The following RBFOX1 variants were observed in gnomAD, a reference collection of about 807,000 sequenced individuals.
RBFOX1 encodes RNA binding protein fox-1 homolog 1.
Under a neutral mutation model 57.7 loss-of-function variants are expected in RBFOX1, and 8 were observed. That is an observed-to-expected ratio of 0.14 (90% CI 0.08 to 0.25). The LOEUF (loss-of-function observed/expected upper bound fraction) is 0.25, where lower values mean the gene tolerates loss of function less well. RBFOX1 is among the 10% of genes least tolerant of loss of function. RBFOX1 has a pLI of 1.00. For synonymous variants in RBFOX1, 326 were observed against 222.4 expected, an observed-to-expected ratio of 1.47 and a Z score of -4.15; for missense variants, 611 against 548.5, an observed-to-expected ratio of 1.11 and a Z score of -1.14.
At chr16:6,738,646 C>G (rs933596453) in intron 3 of RBFOX1, among the ~76,000 whole-genome samples, 1 of 152,144 alleles carries the variant, frequency 6.6e-6, no homozygotes, top group Non-Finnish European at 1.5e-5. Context: ...ATGTCATTGA[C>G]AATTACAGAA....
At position 5,451,766 on chromosome 16, in the gene RBFOX1, C is replaced by T. The variant is rs181709043; in HGVS notation, c.220-15450C>T. Among the ~76,000 whole-genome samples the T allele has an allele frequency of 9.9e-5, 15 of 152,228 alleles. No individual in the cohort carries two copies. In the East Asian group the frequency reaches 2.1e-3, roughly 22 times the overall value. Reference sequence around the variant, plus strand: ...CGGATACCTCTCAGCTCATTCATTCCGCTCTTTTTTCGTGTACCAGGCTAC... The same window carrying T: ...CGGATACCTCTCAGCTCATTCATTCTGCTCTTTTTTCGTGTACCAGGCTAC... On this transcript the variant is annotated intron_variant, in intron 1 of 2. Coordinates refer to the RBFOX1 transcript ENST00000585867.
At chr16:7,371,649 C>A (rs1163535950) in intron 4 of RBFOX1, among the ~76,000 whole-genome samples, 1 of 152,166 alleles carries the variant, frequency 6.6e-6, no homozygotes, top group South Asian at 2.1e-4. Context: ...ACTCAGGATA[C>A]TGAGGCAGGA....
intron 3 of RBFOX1, among the ~76,000 whole-genome samples, chr16:5,859,957 C>T (rs1319318737): frequency 1.3e-5 from 2 of 152,126 alleles, no homozygotes; most frequent in East Asian, 1.9e-4. Context: ...CCTGGGCTCC[C>T]GTGGGACTGA....
chr16:7,116,426 G>A (rs777497509), intron 4 of RBFOX1, among the ~76,000 whole-genome samples: 4 of 152,080 alleles, frequency 2.6e-5, no homozygotes, highest in African/African-American at 7.2e-5. Context: ...GCAGTGAAAT[G>A]CACCAACATC....
At chr16:5,343,794 AG>A (rs762768255) in intron 1 of RBFOX1, among the ~76,000 whole-genome samples, 10 of 152,330 alleles carry the variant, frequency 6.6e-5, no homozygotes, top group East Asian at 3.9e-4. Context: ...ATAAGGCAAA[AG>A]GGTTATTTGA....
At chr16:5,931,546 A>AATGTGTAGG (rs2059057339) in intron 4 of RBFOX1, among the ~76,000 whole-genome samples, 1 of 152,180 alleles carries the variant, frequency 6.6e-6, no homozygotes, top group Non-Finnish European at 1.5e-5. Flanking sequence ...ATTCTGACTT[A>AATGTGTAGG]ATGTGTAGGC....
intron 4 of RBFOX1, among the ~76,000 whole-genome samples, chr16:7,504,969 C>A (rs370135577): frequency 6.7e-5 from 10 of 149,464 alleles, no homozygotes; most frequent in Non-Finnish European, 2.9e-5. Flanking sequence ...CTTTCCAGCG[C>A]GAAATGCTTC....
At chr16:5,355,717 T>G (rs1279082513) in intron 1 of RBFOX1, among the ~76,000 whole-genome samples, 1 of 152,100 alleles carries the variant, frequency 6.6e-6, no homozygotes, top group Admixed American at 6.5e-5. Context: ...AATAGGGTCT[T>G]TACAGATATA....
chr16:5,729,324 G>A (rs910328092), intron 3 of RBFOX1, among the ~76,000 whole-genome samples: 1 of 151,822 alleles, frequency 6.6e-6, no homozygotes, highest in Non-Finnish European at 1.5e-5. Flanking sequence ...TCTCTTGAAG[G>A]CTGCAACACT....
intron 3 of RBFOX1, among the ~76,000 whole-genome samples, chr16:5,867,064 A>G (rs1390556889): frequency 1.3e-5 from 2 of 152,182 alleles, no homozygotes; most frequent in African/African-American, 4.8e-5. Flanking sequence ...TTGTTATAAT[A>G]TGTTGAAAAT....
At chr16:5,604,631 G>A (rs980828487), downstream of RBFOX1, among the ~76,000 whole-genome samples, 15 of 152,122 alleles carry the variant, frequency 9.9e-5, no homozygotes, top group African/African-American at 3.6e-4. Context: ...GAAGTAACTC[G>A]TGGGTCCTGC....
At chr16:6,373,711 G>T (rs11859228) in intron 2 of RBFOX1, among the ~76,000 whole-genome samples, 8,100 of 152,116 alleles carry the variant, frequency 0.053, 722 homozygotes, top group African/African-American at 0.18. Flanking sequence ...TTTGGGTTAG[G>T]GGATGGTTGG....
intron 2 of RBFOX1, among the ~76,000 whole-genome samples, chr16:5,534,260 T>G (rs1186137382): frequency 3.9e-5 from 6 of 152,060 alleles, no homozygotes; most frequent in Non-Finnish European, 7.4e-5. Flanking sequence ...GTATTAGAGT[T>G]CTCCAGAGGG....
chr16:6,636,843 A>AT (rs2098439660), intron 2 of RBFOX1, among the ~76,000 whole-genome samples: 1 of 119,158 alleles, frequency 8.4e-6, no homozygotes, highest in African/African-American at 3.5e-5. Flanking sequence ...TATAATATAT[A>AT]ATATATATAA....
chr16:7,200,473 C>G (rs2088065426), intron 4 of RBFOX1, among the ~76,000 whole-genome samples: 2 of 152,186 alleles, frequency 1.3e-5, no homozygotes, highest in Admixed American at 6.5e-5. Flanking sequence ...GCCTGTCAGA[C>G]ACTGCAGTAG....
chr16:6,500,614 G>T (rs802697), intron 2 of RBFOX1, among the ~76,000 whole-genome samples: 37 of 152,030 alleles, frequency 2.4e-4, no homozygotes, highest in Admixed American at 2.3e-3. Context: ...AAAGAGCCAA[G>T]GTGAAGAGGC....
intron 5 of RBFOX1, among the ~76,000 whole-genome samples, chr16:7,531,299 C>T (rs917293778): frequency 2.0e-5 from 3 of 152,084 alleles, no homozygotes; most frequent in Non-Finnish European, 1.5e-5. Context: ...GAGGAAGCAG[C>T]GATCATTTAT....
intron 4 of RBFOX1, among the ~76,000 whole-genome samples, chr16:7,505,228 C>T (rs1321988382): frequency 7.2e-6 from 1 of 138,138 alleles, no homozygotes; most frequent in Non-Finnish European, 1.5e-5. Context: ...ATGATTGAGG[C>T]AACAGTGATG....
At chr16:7,175,782 G>C (rs567259648) in intron 4 of RBFOX1, among the ~76,000 whole-genome samples, 22 of 152,206 alleles carry the variant, frequency 1.4e-4, no homozygotes, top group African/African-American at 5.3e-4. Context: ...CTCCTTCTCA[G>C]AGTAAAGCAA....
Sources: allele counts gnomAD v4.1 joint callset (sites outside exome capture counted in the v4.1 genomes callset), GRCh38; gene constraint gnomAD v4.1.1; transcripts MANE v1.5; gene names NCBI Gene and HGNC (gene_info 2026-07-23, HGNC 2026-07-21).